The following WNK3 variants were observed in gnomAD, a reference collection of about 807,000 sequenced individuals.
WNK3 encodes the protein serine/threonine-protein kinase WNK3.
Under a neutral mutation model 116.7 loss-of-function variants are expected in WNK3, and 18 were observed. The observed-to-expected ratio is 0.15, with a 90% CI of 0.11 to 0.23. The LOEUF is 0.23. Ranked by LOEUF, WNK3 falls within the 10% of genes least tolerant of loss-of-function variation. The pLI is 1.00. For missense variants in WNK3, 993 were observed against 1,323.8 expected, an observed-to-expected ratio of 0.75 and a Z score of 3.88; for synonymous variants, 404 against 469.4, an observed-to-expected ratio of 0.86 and a Z score of 1.80.
intron 10 of WNK3, among the ~76,000 whole-genome samples, chrX:54,260,389 C>T (rs1444364434): frequency 4.5e-5 from 5 of 111,782 alleles, no homozygotes; most frequent in Non-Finnish European, 7.5e-5. Context: ...GTACAGTCCC[C>T]GTAAGTTGGA....
chrX:54,201,760 C>T (rs1557141663), intron 23 of WNK3, among the ~76,000 whole-genome samples: 1 of 111,906 alleles, frequency 8.9e-6, no homozygotes, highest in African/African-American at 3.2e-5. Flanking sequence ...AATAGTATAG[C>T]TTGAAAAGCC....
chrX:54,317,878 T>C (rs1018496930), intron 2 of WNK3, among the ~76,000 whole-genome samples: 3 of 108,520 alleles, frequency 2.8e-5, no homozygotes, highest in South Asian at 8.3e-4. Flanking sequence ...GTGATCCACC[T>C]GCCTCGGCCT....
At chrX:54,327,813 C>T (rs2069123552) in intron 2 of WNK3, among the ~76,000 whole-genome samples, 1 of 109,655 alleles carries the variant, frequency 9.1e-6, no homozygotes, top group Non-Finnish European at 1.9e-5. Context: ...ACAAAAAATA[C>T]AAAAATTAGC....
At chrX:54,288,477 T>C (rs1332728293) in intron 10 of WNK3, among the ~76,000 whole-genome samples, 1 of 111,670 alleles carries the variant, frequency 9.0e-6, no homozygotes, top group African/African-American at 3.2e-5. Context: ...AGTCATCTGC[T>C]GCTGCTGAAT....
At chrX:54,214,947 A>G (rs2067666365) in intron 22 of WNK3, among the ~76,000 whole-genome samples, 1 of 108,500 alleles carries the variant, frequency 9.2e-6, no homozygotes, top group East Asian at 2.9e-4. Flanking sequence ...CAGGAGGCGG[A>G]GCTTGCAGTG....
At chrX:54,210,686 A>C (rs1461185542) in intron 22 of WNK3, among the ~76,000 whole-genome samples, 1 of 111,588 alleles carries the variant, frequency 9.0e-6, no homozygotes, top group Non-Finnish European at 1.9e-5. Context: ...TATTTTAATA[A>C]ATAAGTTAAT....
chrX:54,215,116 C>CAAAAA (rs60946524), intron 22 of WNK3, among the ~76,000 whole-genome samples: 1 of 29,431 alleles, frequency 3.4e-5, no homozygotes, highest in African/African-American at 1.1e-4. Context: ...GACTCCATCT[C>CAAAAA]AAAAAAAAAA....
At chrX:54,207,908 C>T (rs1366148499) in intron 22 of WNK3, among the ~76,000 whole-genome samples, 1 of 110,391 alleles carries the variant, frequency 9.1e-6, no homozygotes, top group Admixed American at 9.8e-5. Flanking sequence ...CAACCCACTA[C>T]AGGTAAAATT....
chrX:54,252,432 G>A (rs782414146), intron 13 of WNK3, among the ~76,000 whole-genome samples: 121 of 111,147 alleles, frequency 1.1e-3, no homozygotes, highest in Non-Finnish European at 2.0e-3. Context: ...CACTTTGGGA[G>A]GCTGAAGTGG....
At chrX:54,247,445 GA>G (rs2068084415) in intron 17 of WNK3, among the ~76,000 whole-genome samples, 1 of 109,670 alleles carries the variant, frequency 9.1e-6, no homozygotes, top group Non-Finnish European at 1.9e-5. Context: ...ACCCATAAAT[GA>G]AAAAAATGCA....
At chrX:54,321,642 G>A (rs1401353419) in intron 2 of WNK3, among the ~76,000 whole-genome samples, 1 of 111,363 alleles carries the variant, frequency 9.0e-6, no homozygotes, top group Non-Finnish European at 1.9e-5. Flanking sequence ...AAAGCTTTGA[G>A]ACAGCAATGG....
At chrX:54,236,461 A>G (rs1557150132) in intron 20 of WNK3, among the ~76,000 whole-genome samples, 1 of 110,805 alleles carries the variant, frequency 9.0e-6, no homozygotes, top group Non-Finnish European at 1.9e-5. Context: ...TATTTTATAA[A>G]ACTAAATACA....
exon 9 of WNK3, chrX:54,293,263 A>G (rs1416355178): frequency 1.7e-6 from 2 of 1,208,137 alleles, no homozygotes; most frequent in African/African-American, 3.5e-5. Context: ...AATAGGCTAC[A>G]CTGGGCTGAC....
chrX:54,212,468 G>T (rs1557144015), intron 22 of WNK3, among the ~76,000 whole-genome samples: 1 of 112,389 alleles, frequency 8.9e-6, no homozygotes, highest in Non-Finnish European at 1.9e-5. Flanking sequence ...AGAATTTGAT[G>T]AAAGCATCTA....
rs141206780 is a variant in WNK3, at chrX:54,275,631, A to C, written c.2038-16293T>G. ...AGGTGGGTAAGAAAAGAGAAGCATA[A>C]GAAGGAGAAACATAGAGAAGAAACA... On this transcript the variant is annotated intron_variant, in intron 10 of 23. Transcript: ENST00000354646. 5.1e-3 allele frequency among the ~76,000 whole-genome samples: 568 copies of C among 110,699 alleles called. 6 individuals are homozygous for C. The highest frequency in any genetic ancestry group is 0.018 in the African/African-American group (556 of 30,460).
chrX:54,236,255 GTC>G (rs2067960282), intron 20 of WNK3, among the ~76,000 whole-genome samples: 1 of 108,559 alleles, frequency 9.2e-6, no homozygotes, highest in Non-Finnish European at 1.9e-5. Flanking sequence ...GAGTACAGGC[GTC>G]TGCCACCACA....
intron 10 of WNK3, among the ~76,000 whole-genome samples, chrX:54,267,447 G>A (rs1433672640): frequency 9.0e-6 from 1 of 110,739 alleles, no homozygotes; most frequent in African/African-American, 3.3e-5. Flanking sequence ...CAAAAGACAT[G>A]CTGATAGTTT....
intron 2 of WNK3, among the ~76,000 whole-genome samples, chrX:54,330,482 A>G (rs782711600): frequency 5.8e-4 from 65 of 111,822 alleles, no homozygotes; most frequent in Non-Finnish European, 1.0e-3. Flanking sequence ...ACTTGAGCCC[A>G]GGACGTTAAG....
intron 4 of WNK3, 118 bp from the exon 5 acceptor site, chrX:54,308,197 CTT>C (rs1259738150): frequency 7.0e-4 from 364 of 521,803 alleles, no homozygotes; most frequent in East Asian, 7.8e-4. Context: ...AAGCAAATTT[CTT>C]TTTTTTTTTT....
Sources: allele counts gnomAD v4.1 joint callset (sites outside exome capture counted in the v4.1 genomes callset), GRCh38; gene constraint gnomAD v4.1.1; transcripts MANE v1.5; gene names NCBI Gene and HGNC (gene_info 2026-07-23, HGNC 2026-07-21).